Variants in APCDD1L observed in about 807,000 individuals in gnomAD.
APCDD1L encodes the protein APC down-regulated 1 like, also known as protein APCDD1-like.
In APCDD1L, 21 loss-of-function variants were observed where a neutral mutation model predicts 24.2. The ratio of observed to expected loss-of-function variants is 0.87; its 90% CI spans 0.61 to 1.25. The LOEUF (loss-of-function observed/expected upper bound fraction) is 1.25. APCDD1L is among the 50% of genes most tolerant of loss of function. The pLI, the probability that APCDD1L is intolerant of heterozygous loss-of-function variation, is 0.00. For synonymous variants in APCDD1L, 321 were observed against 323.6 expected (o/e 0.99, Z 0.09); for missense variants, 704 against 711.7 (o/e 0.99, Z 0.12).
intron 1 of APCDD1L, among the ~76,000 whole-genome samples, chr20:58,511,252 C>A (rs943790065): frequency 3.9e-5 from 6 of 152,224 alleles, no homozygotes; most frequent in Non-Finnish European, 7.3e-5. Context: ...TCAGAATTCA[C>A]TTCCTTCTCA....
chr20:58,478,044 A>G (rs953658863), intron 1 of APCDD1L, among the ~76,000 whole-genome samples: 5 of 152,200 alleles, frequency 3.3e-5, no homozygotes, highest in African/African-American at 1.2e-4. Context: ...TTTATCGGTT[A>G]TAACACATTA....
Position 58,460,857 on chromosome 20 carries a change from C to T in APCDD1L, c.1439G>A (p.Gly480Asp). Residue 480 changes from glycine to aspartate, a missense_variant, in exon 4 of 4, where the codon GGT becomes GAT. Transcript: ENST00000371149. The surrounding 1 kb of genome is among the most constrained non-coding windows in gnomAD (Gnocchi z 4.2). ...PSLQKHPSTG[G>D]LHIAPFPLLP... is the part of the protein sequence containing the mutation. ...AAGTGGGAAGGGGGCTATGTGAAGA[C>T]CCCCTGTGCTGGGGTGCTTCTGCAG... 1.3e-6 allele frequency: 2 copies of T among 1,569,540 alleles called. No homozygotes were observed. Among genetic ancestry groups the T allele is most frequent in the Non-Finnish European group, 8.7e-7 (1 of 1,155,934 alleles).
At chr20:58,469,063 A>G (rs1989767454) in intron 2 of APCDD1L, among the ~76,000 whole-genome samples, 1 of 152,110 alleles carries the variant, frequency 6.6e-6, no homozygotes, top group South Asian at 2.1e-4. Context: ...TTGGCAACAG[A>G]TCTACAGAGG....
In APCDD1L at chr20:58,514,852, G is replaced by T. The variant is rs547945103; in HGVS notation, c.-145C>A. 5.5e-6 allele frequency: 3 copies of T among 543,794 alleles called. No individual in the cohort carries two copies. The highest frequency in any genetic ancestry group is 2.0e-5 in the African/African-American group (1 of 50,796). 33.7% of individuals were successfully genotyped at this position (543,794 alleles called of 1,614,324 possible). On this transcript the variant is annotated 5_prime_UTR_variant, in exon 1 of 4. Transcript: ENST00000371149. ...GTTGCGAGGGTCCTGCGCCCCCCTC[G>T]GCGCTCACACGCGCTCAGCCTTCCC...
chr20:58,506,607 G>A (rs1439443572), intron 1 of APCDD1L, among the ~76,000 whole-genome samples: 1 of 152,214 alleles, frequency 6.6e-6, no homozygotes, highest in African/African-American at 2.4e-5. Context: ...ATGTGAGCCT[G>A]GGCAATTGAA....
intron 2 of APCDD1L, among the ~76,000 whole-genome samples, chr20:58,469,406 A>G (rs896026019): frequency 6.6e-6 from 1 of 152,114 alleles, no homozygotes; most frequent in African/African-American, 2.4e-5. Context: ...GGACCTCTTG[A>G]TGGTTCCCAG....
rs1990274159 is a variant in APCDD1L, at chr20:58,494,103, G to A, written c.49+20556C>T. On this transcript the variant is annotated intron_variant, in intron 1 of 3. Transcript: ENST00000371149. The surrounding 1 kb of genome is among the most constrained non-coding windows in gnomAD (Gnocchi z 4.8). ...TTAGCTGGAAGCGGATCATCATAAA[G>A]GTCTTCATCCTCATCACCTTCATGT... is the stretch of plus-strand genomic sequence containing the variant. Among the ~76,000 whole-genome samples, 1 of 152,124 alleles carries A rather than the reference G, an allele frequency of 6.6e-6. No homozygotes were observed. The highest frequency in any genetic ancestry group is 1.5e-5 in the Non-Finnish European group (1 of 68,016).
intron 1 of APCDD1L, among the ~76,000 whole-genome samples, chr20:58,482,373 T>C (rs1468746026): frequency 6.6e-6 from 1 of 152,228 alleles, no homozygotes; most frequent in Non-Finnish European, 1.5e-5. Context: ...GTCTGAACCC[T>C]ATTTTTAAAT....
At chr20:58,490,832 G>A (rs1026429199) in intron 1 of APCDD1L, among the ~76,000 whole-genome samples, 2 of 152,192 alleles carry the variant, frequency 1.3e-5, no homozygotes, top group African/African-American at 4.8e-5. Context: ...GAAAAATTAA[G>A]GACAGTATGA....
Position 58,460,449 on chromosome 20 carries a change from T to G in APCDD1L, c.*341A>C. On this transcript the variant is annotated 3_prime_UTR_variant, in exon 4 of 4. Transcript: ENST00000371149. This position sits in a 1 kb window ranked among gnomAD's most constrained non-coding sequence, Gnocchi z 4.2. ...AACTGGGGGGAACATGGGATGGGGG[T>G]GTTCCGTGTGGCCCCCTGACTGCAC... 3 of 206,056 alleles carry G rather than the reference T, an allele frequency of 1.5e-5. No individual in the cohort carries two copies. Among genetic ancestry groups the G allele is most frequent in the South Asian group, 1.7e-4 (1 of 6,014 alleles). 12.8% of individuals were successfully genotyped at this position (206,056 alleles called of 1,614,324 possible). A position where few individuals can be genotyped will look rare whatever the true frequency, so the allele number is the denominator to read the frequency against.
At chr20:58,470,266 C>T (rs1254973580) in intron 2 of APCDD1L, among the ~76,000 whole-genome samples, 3 of 152,242 alleles carry the variant, frequency 2.0e-5, no homozygotes. Flanking sequence ...TTATTTCCTT[C>T]ATTGAAGAAC....
rs567330264 is a variant in APCDD1L, at chr20:58,503,476, G to C, written c.49+11183C>G. 9.3e-4 allele frequency among the ~76,000 whole-genome samples: 141 copies of C among 152,316 alleles called. 1 individual carries two copies. Among genetic ancestry groups the C allele is most frequent in the African/African-American group, 3.2e-3 (135 of 41,578 alleles). Reference sequence around the variant, plus strand: ...AGCAACTCTAAGTGTACATTTCAAAGAACAAGTAATTTTGTTTCACTATGG... The same window carrying C: ...AGCAACTCTAAGTGTACATTTCAAACAACAAGTAATTTTGTTTCACTATGG... On this transcript the variant is annotated intron_variant, in intron 1 of 3. Coordinates refer to ENST00000371149, the MANE Select transcript of APCDD1L (RefSeq NM_153360.3).
At position 58,494,980 on chromosome 20, in the gene APCDD1L, G is replaced by C. The variant is rs1297948809; in HGVS notation, c.49+19679C>G. On this transcript the variant is annotated intron_variant, in intron 1 of 3. Coordinates refer to ENST00000371149, the MANE Select transcript of APCDD1L (RefSeq NM_153360.3). The surrounding 1 kb of genome is among the most constrained non-coding windows in gnomAD (Gnocchi z 4.8). ...GAACACCCCCATGACCTTGTCTCAA[G>C]GTGGGCCCTCTGGTGTCCCCTGGAG... 6.6e-6 allele frequency among the ~76,000 whole-genome samples: 1 copy of C among 152,130 alleles called. No individual in the cohort carries two copies. The highest frequency in any genetic ancestry group is 1.5e-5 in the Non-Finnish European group (1 of 68,032).
intron 1 of APCDD1L, among the ~76,000 whole-genome samples, chr20:58,491,910 G>T (rs1247727077): frequency 6.6e-6 from 1 of 152,312 alleles, no homozygotes; most frequent in East Asian, 1.9e-4. Flanking sequence ...AGCTCAGATG[G>T]TGACTCCTGA....
At chr20:58,463,897 G>GT (rs942662098) in intron 3 of APCDD1L, among the ~76,000 whole-genome samples, 1 of 128,950 alleles carries the variant, frequency 7.8e-6, no homozygotes, top group African/African-American at 3.4e-5. Context: ...TTTTTTTTGG[G>GT]GGGGGGGGGC....
In APCDD1L at chr20:58,467,749, C is replaced by CA. The variant is rs973498339; in HGVS notation, c.189-92dup. On this transcript the variant is annotated intron_variant, in intron 2 of 3. Transcript: ENST00000371149. This position sits in a 1 kb window ranked among gnomAD's most constrained non-coding sequence, Gnocchi z 5.9. ...CTGGGCTGGGCTCCTTTCTCCCCCCCAGCCCTCCTCTTAGTCCTCAGCTCA... is the reference window on the plus strand; with the variant it reads ...CTGGGCTGGGCTCCTTTCTCCCCCCCAAGCCCTCCTCTTAGTCCTCAGCTCA... 15 of 1,278,860 alleles carry CA rather than the reference C, an allele frequency of 1.2e-5. No individual in the cohort carries two copies. Among genetic ancestry groups the CA allele is most frequent in the Non-Finnish European group, 1.5e-5 (15 of 981,966 alleles). 79.2% of individuals were successfully genotyped at this position (1,278,860 alleles called of 1,614,324 possible). A position where few individuals can be genotyped will look rare whatever the true frequency, so the allele number is the denominator to read the frequency against.
At position 58,505,343 on chromosome 20, in the gene APCDD1L, G is replaced by A. The variant is rs534925431; in HGVS notation, c.49+9316C>T. ...GCCTCCCAAAGTGCTGGGATTACAG[G>A]CATGGGCCACTGTGCCTGGCTCATT... On this transcript the variant is annotated intron_variant, in intron 1 of 3. Coordinates refer to ENST00000371149, the MANE Select transcript of APCDD1L (RefSeq NM_153360.3). Among the ~76,000 whole-genome samples, 5 of 152,274 alleles carry A rather than the reference G, an allele frequency of 3.3e-5. No individual in the cohort carries two copies. In the East Asian group the frequency reaches 7.7e-4, roughly 24 times the overall value.
In APCDD1L at chr20:58,497,173, T is replaced by G. The variant is rs1600871651; in HGVS notation, c.49+17486A>C. Among the ~76,000 whole-genome samples the G allele has an allele frequency of 3.4e-5, 4 of 119,400 alleles. No individual in the cohort carries two copies. Among genetic ancestry groups the G allele is most frequent in the African/African-American group, 9.6e-5 (3 of 31,246 alleles). 78.3% of individuals were successfully genotyped at this position (119,400 alleles called of 152,430 possible). A position where few individuals can be genotyped will look rare whatever the true frequency, so the allele number is the denominator to read the frequency against. The stretch of plus-strand genomic sequence containing the variant: ...GATGAGGAGGGGGTTGGCGGGAGTA[T>G]GGGAGCTGGTGAAAGGGGCCTCCTG... On this transcript the variant is annotated intron_variant, in intron 1 of 3. Transcript: ENST00000371149. The surrounding 1 kb of genome is among the most constrained non-coding windows in gnomAD (Gnocchi z 4.3).
At chr20:58,470,376 T>A (rs983696623) in intron 2 of APCDD1L, among the ~76,000 whole-genome samples, 1 of 152,228 alleles carries the variant, frequency 6.6e-6, no homozygotes, top group Non-Finnish European at 1.5e-5. Flanking sequence ...TAGGTTTGTA[T>A]AATAGGTGTT....
Sources: gnomAD v4.1 joint callset for allele counts (sites outside exome capture counted in the v4.1 genomes callset) on GRCh38, gnomAD v4.1.1 for gene constraint, Gnocchi (gnomAD v3.1) non-coding constraint, MANE v1.5 for transcripts, NCBI Gene and HGNC (gene_info 2026-07-23, HGNC 2026-07-21) for gene names.